The following CC2D2A variants were observed in gnomAD, a reference collection of about 807,000 sequenced individuals.
The protein encoded by CC2D2A is coiled-coil and C2 domain containing 2A.
Under a neutral mutation model 212.9 loss-of-function variants are expected in CC2D2A, and 155 were observed. That is an observed-to-expected ratio of 0.73 (90% CI 0.64 to 0.83). The LOEUF is 0.83. CC2D2A is among the 40% of genes least tolerant of loss of function. The probability of loss-of-function intolerance (pLI) is 0.00; values close to 1 mark genes in which losing one functional copy is unlikely to be tolerated. For missense variants in CC2D2A, 1,856 were observed against 1,956.2 expected (o/e 0.95, Z 0.97); for synonymous variants, 667 against 686.5 (o/e 0.97, Z 0.44).
chr4:15,480,630 C>A (rs923062329), intron 3 of CC2D2A, 74 bp from the exon 4 acceptor site: 7 of 1,506,670 alleles, frequency 4.6e-6, no homozygotes, highest in Non-Finnish European at 6.2e-6. Flanking sequence ...TCACTGGTGA[C>A]CCATCTTCCC....
intron 29 of CC2D2A, among the ~76,000 whole-genome samples, chr4:15,578,736 C>A (rs1054220439): frequency 1.3e-5 from 2 of 152,142 alleles, no homozygotes; most frequent in Admixed American, 6.5e-5. Flanking sequence ...AGTGAGCCCC[C>A]TACCTTAGCC....
chr4:15,498,372 T>A (rs1396486599), intron 4 of CC2D2A, among the ~76,000 whole-genome samples: 5 of 152,226 alleles, frequency 3.3e-5, no homozygotes, highest in African/African-American at 1.2e-4. Flanking sequence ...CTTAAAAAAA[T>A]TATTTTCATC....
At chr4:15,567,641 A>C (rs1311893575) in intron 25 of CC2D2A, 36 bp from the exon 26 acceptor site, 1 of 1,468,542 alleles carries the variant, frequency 6.8e-7, no homozygotes, top group African/African-American at 1.4e-5. Context: ...AATTTGACTA[A>C]CCATTGGGAA....
At chr4:15,594,737 G>T (rs1284474851) in intron 33 of CC2D2A, among the ~76,000 whole-genome samples, 2 of 152,172 alleles carry the variant, frequency 1.3e-5, no homozygotes, top group African/African-American at 2.4e-5. Context: ...GTGCAGAATT[G>T]GGGCTAATGA....
At chr4:15,503,659 G>C (rs1183669627) in intron 6 of CC2D2A, among the ~76,000 whole-genome samples, 2 of 152,146 alleles carry the variant, frequency 1.3e-5, no homozygotes, top group African/African-American at 4.8e-5. Flanking sequence ...ACATTCAGGA[G>C]CCTCGGTAGT....
chr4:15,493,276 A>G (rs1715424313), intron 4 of CC2D2A, among the ~76,000 whole-genome samples: 1 of 151,650 alleles, frequency 6.6e-6, no homozygotes, highest in African/African-American at 2.4e-5. Flanking sequence ...TTATTTACTT[A>G]CTTACTTACT....
rs185315086 is a variant in CC2D2A, at chr4:15,562,966, G to C, written c.3015-389G>C. On this transcript the variant is annotated intron_variant, in intron 23 of 36. Coordinates refer to ENST00000424120, the MANE Select transcript of CC2D2A (RefSeq NM_001378615.1). ...AGGTGGACACTGGCCCCAAGGGATG[G>C]GTAAAACTGCAACCAACTAGGCAGA... Among the ~76,000 whole-genome samples, 372 of 152,328 alleles carry C rather than the reference G, an allele frequency of 2.4e-3. 1 individual carries two copies. The highest frequency in any genetic ancestry group is 8.3e-3 in the African/African-American group (347 of 41,576).
At chr4:15,582,433 A>G (rs1420717873) in intron 30 of CC2D2A, among the ~76,000 whole-genome samples, 1 of 152,128 alleles carries the variant, frequency 6.6e-6, no homozygotes. Context: ...ATTTTTAGAA[A>G]AGATAAACAA....
chr4:15,495,697 A>T (rs1715578082), intron 4 of CC2D2A, among the ~76,000 whole-genome samples: 1 of 152,100 alleles, frequency 6.6e-6, no homozygotes, highest in African/African-American at 2.4e-5. Flanking sequence ...TGGGCATGTG[A>T]GTACATGTGT....
chr4:15,533,047 C>T (rs1717930834), intron 13 of CC2D2A, 146 bp from the exon 14 acceptor site: 1 of 589,060 alleles, frequency 1.7e-6, no homozygotes, highest in African/African-American at 2.0e-5. Context: ...ATTGTCTTTA[C>T]ATTCACATTT....
Position 15,587,932 on chromosome 4 carries a change from A to G in CC2D2A, c.4179+3A>G. The G allele has an allele frequency of 6.4e-7, 1 of 1,556,314 alleles. No individual in the cohort carries two copies. The highest frequency in any genetic ancestry group is 1.1e-5 in the South Asian group (1 of 89,456). Reference sequence around the variant, plus strand: ...TGATGGGCAATGCTATTCCTGAGGTAAGACCACATAGGCTGCCTTTAACAG... The same window carrying G: ...TGATGGGCAATGCTATTCCTGAGGTGAGACCACATAGGCTGCCTTTAACAG... On this transcript the variant is annotated splice_donor_region_variant and intron_variant, in intron 32 of 36. Coordinates refer to ENST00000424120, the MANE Select transcript of CC2D2A (RefSeq NM_001378615.1).
At chr4:15,479,318 A>T in intron 3 of CC2D2A, 1 of 1,536,838 alleles carries the variant, frequency 6.5e-7, no homozygotes, top group Non-Finnish European at 8.7e-7. Flanking sequence ...TGCAGGGTAA[A>T]TCTTTTCAAG....
chr4:15,529,223 G>C (rs1717680501), intron 13 of CC2D2A, among the ~76,000 whole-genome samples: 1 of 152,032 alleles, frequency 6.6e-6, no homozygotes, highest in Non-Finnish European at 1.5e-5. Context: ...TGTACAAAAA[G>C]TTTAAAAAAT....
At chr4:15,536,188 C>T (rs1402919271) in intron 14 of CC2D2A, among the ~76,000 whole-genome samples, 1 of 152,042 alleles carries the variant, frequency 6.6e-6, no homozygotes, top group Non-Finnish European at 1.5e-5. Context: ...CACCATCATT[C>T]TCAGCAAACT....
In CC2D2A at chr4:15,553,269, T is replaced by C. The variant is rs766961943; in HGVS notation, c.2450T>C (p.Ile817Thr). The C allele has an allele frequency of 6.2e-7, 1 of 1,613,318 alleles. No individual in the cohort carries two copies. The highest frequency in any genetic ancestry group is 1.7e-5 in the Admixed American group (1 of 59,924). The change falls in exon 19 of 37, where the codon ATT becomes ACT. Residue 817 changes from isoleucine to threonine, a missense_variant. Coordinates refer to ENST00000424120, the MANE Select transcript of CC2D2A (RefSeq NM_001378615.1). ...ATTGGAGAAAACGGGATACCTTTAA[T>C]TCCTCCATTGTCACAGCAGAACATC... is the stretch of plus-strand genomic sequence containing the variant. ...WAIGENGIPLIPPLSQQNIGF... is the reference protein window; with the variant it reads ...WAIGENGIPLTPPLSQQNIGF...
At chr4:15,600,916 A>AAG (rs1553845804) in intron 36 of CC2D2A, among the ~76,000 whole-genome samples, 73 of 150,234 alleles carry the variant, frequency 4.9e-4, no homozygotes, top group African/African-American at 1.7e-3. Flanking sequence ...AAAAAAAAAA[A>AAG]AAAAAGAAAA....
intron 4 of CC2D2A, among the ~76,000 whole-genome samples, chr4:15,489,628 C>T (rs1715192051): frequency 6.6e-6 from 1 of 152,162 alleles, no homozygotes; most frequent in Admixed American, 6.5e-5. Context: ...AAAATTCTTT[C>T]AAACTCATTT....
chr4:15,527,152 G>A (rs1717550601), intron 11 of CC2D2A, among the ~76,000 whole-genome samples: 1 of 152,164 alleles, frequency 6.6e-6, no homozygotes, highest in South Asian at 2.1e-4. Context: ...AAACAAGGTA[G>A]TCTGCATGAA....
chr4:15,504,915 A>G (rs548219019), intron 6 of CC2D2A, among the ~76,000 whole-genome samples: 35 of 152,240 alleles, frequency 2.3e-4, no homozygotes, highest in Non-Finnish European at 4.9e-4. Context: ...TGAAGAGCAC[A>G]GATGCTGAAC....
Sources: allele counts gnomAD v4.1 joint callset (sites outside exome capture counted in the v4.1 genomes callset), GRCh38; gene constraint gnomAD v4.1.1; transcripts MANE v1.5; gene names NCBI Gene and HGNC (gene_info 2026-07-23, HGNC 2026-07-21).